PDLIM3: variants seen among roughly 807,000 people sequenced by gnomAD.
PDLIM3 encodes the protein PDZ and LIM domain 3.
PDLIM3 carries 36 observed loss-of-function variants against 37.3 expected under a neutral mutation model. The observed-to-expected ratio is 0.97, with a 90% confidence interval of 0.74 to 1.28. The LOEUF is 1.28. Among genes scored for constraint, PDLIM3 ranks in the 50% most tolerant of loss-of-function variants. PDLIM3 has a pLI of 0.00. For synonymous variants in PDLIM3, 174 were observed against 182.4 expected, an observed-to-expected ratio of 0.95 and a Z score of 0.37; for missense variants, 454 against 485.0, an observed-to-expected ratio of 0.94 and a Z score of 0.60.
chr4:185,509,562 C>T (rs2095703398), intron 4 of PDLIM3, among the ~76,000 whole-genome samples: 1 of 152,034 alleles, frequency 6.6e-6, no homozygotes, highest in Non-Finnish European at 1.5e-5. Context: ...ACTAAAAAGT[C>T]CATTTTTCCA....
Position 185,514,211 on chromosome 4 carries a change from T to C in PDLIM3, c.398+59A>G. On this transcript the variant is annotated intron_variant, in intron 4 of 7. Coordinates refer to ENST00000284767, the MANE Select transcript of PDLIM3 (RefSeq NM_014476.6). This position sits in a 1 kb window ranked among gnomAD's most constrained non-coding sequence, Gnocchi z 4.0. ...TCTACCAGTTACTTTTCTTGATGATTAGTAAGAACTGATTTAAGAAGCATG... is the reference window on the plus strand; with the variant it reads ...TCTACCAGTTACTTTTCTTGATGATCAGTAAGAACTGATTTAAGAAGCATG... The C allele has an allele frequency of 6.2e-7, 1 of 1,614,084 alleles. No homozygotes were observed. Among genetic ancestry groups the C allele is most frequent in the African/African-American group, 1.3e-5 (1 of 75,056 alleles).
chr4:185,514,164 A>G lies in PDLIM3; in HGVS notation c.398+106T>C. 6.2e-7 allele frequency: 1 copy of G among 1,603,464 alleles called. No homozygotes were observed. Among genetic ancestry groups the G allele is most frequent in the Non-Finnish European group, 8.5e-7 (1 of 1,174,080 alleles). ...TTTTGCTTTTGAAATAAGCTTCGCAATGAGAAAAGCCACTCCAAACATCTA... is the reference window on the plus strand; with the variant it reads ...TTTTGCTTTTGAAATAAGCTTCGCAGTGAGAAAAGCCACTCCAAACATCTA... On this transcript the variant is annotated intron_variant, in intron 4 of 7. Coordinates refer to ENST00000284767, the MANE Select transcript of PDLIM3 (RefSeq NM_014476.6). The surrounding 1 kb of genome is among the most constrained non-coding windows in gnomAD (Gnocchi z 4.0).
At position 185,501,506 on chromosome 4, in the gene PDLIM3, AAG is replaced by A. The variant is rs1440108509; in HGVS notation, c.*786_*787del. On this transcript the variant is annotated 3_prime_UTR_variant, in exon 8 of 8. Transcript: ENST00000284767. ...GATCTGAAAGAGATATTTAAATTGAAAGAGTCTCTGTTGAAGCAAGTGAAACT... is the reference window on the plus strand; with the variant it reads ...GATCTGAAAGAGATATTTAAATTGAAAGTCTCTGTTGAAGCAAGTGAAACT... The A allele has an allele frequency of 3.9e-5, 6 of 152,362 alleles. No individual in the cohort carries two copies. In the East Asian group the frequency reaches 1.2e-3, roughly 29 times the overall value. 9.4% of individuals were successfully genotyped at this position (152,362 alleles called of 1,614,324 possible).
intron 1 of PDLIM3, among the ~76,000 whole-genome samples, chr4:185,528,302 G>A (rs2095737730): frequency 6.6e-6 from 1 of 152,156 alleles, no homozygotes; most frequent in Admixed American, 6.5e-5. Context: ...ACACACATCT[G>A]AACAATAGCT....
At chr4:185,524,552 C>T (rs1181387561) in intron 2 of PDLIM3, among the ~76,000 whole-genome samples, 2 of 152,192 alleles carry the variant, frequency 1.3e-5, no homozygotes, top group East Asian at 3.8e-4. Context: ...TTCTTCTGGG[C>T]TGAATTCTGT....
intron 2 of PDLIM3, among the ~76,000 whole-genome samples, chr4:185,524,136 T>A (rs1042289253): frequency 4.6e-5 from 7 of 152,028 alleles, no homozygotes; most frequent in African/African-American, 1.7e-4. Context: ...AGACAGTGAG[T>A]GATCTGCCAG....
intron 1 of PDLIM3, among the ~76,000 whole-genome samples, chr4:185,530,102 A>G (rs780427228): frequency 1.3e-5 from 2 of 152,230 alleles, no homozygotes; most frequent in Non-Finnish European, 2.9e-5. Flanking sequence ...TGTCTTTCAC[A>G]TACGAGACAT....
Position 185,514,458 on chromosome 4 carries a change from A to G in PDLIM3, c.331-121T>C. On this transcript the variant is annotated intron_variant, in intron 3 of 7. Coordinates refer to ENST00000284767, the MANE Select transcript of PDLIM3 (RefSeq NM_014476.6). The surrounding 1 kb of genome is among the most constrained non-coding windows in gnomAD (Gnocchi z 4.0). Reference sequence around the variant, plus strand: ...ACCACCAACTACTGTCATAACTAAGAAAGGCGATGACGGGACCAGGACGAT... The same window carrying G: ...ACCACCAACTACTGTCATAACTAAGGAAGGCGATGACGGGACCAGGACGAT... The G allele has an allele frequency of 1.3e-6, 2 of 1,583,006 alleles. No individual in the cohort carries two copies. The highest frequency in any genetic ancestry group is 1.1e-5 in the South Asian group (1 of 88,736).
chr4:185,535,284 C>T, intron 1 of PDLIM3, 58 bp downstream of exon 1: 5 of 1,459,642 alleles, frequency 3.4e-6, no homozygotes, highest in Non-Finnish European at 3.8e-6. Context: ...CCACTGCGTC[C>T]CCCCGGACGC....
Position 185,510,080 on chromosome 4 carries a change from T to C in PDLIM3, c.399-1518A>G, listed in dbSNP as rs148428260. 4.0e-3 allele frequency among the ~76,000 whole-genome samples: 612 copies of C among 152,330 alleles called. 3 individuals carry two copies. The highest frequency in any genetic ancestry group is 0.014 in the African/African-American group (580 of 41,578). On this transcript the variant is annotated intron_variant, in intron 4 of 7. Coordinates refer to ENST00000284767, the MANE Select transcript of PDLIM3 (RefSeq NM_014476.6). ...ACATACCAAAATATCAAGTGGCCTA[T>C]TCACCATTTTTGTACGATCTATAGT...
chr4:185,512,770 G>GTA (rs2095708618), intron 4 of PDLIM3: 3 of 977,924 alleles, frequency 3.1e-6, no homozygotes, highest in Non-Finnish European at 3.6e-6. Flanking sequence ...TTGGGAAGTT[G>GTA]TATATATTCA....
Position 185,513,530 on chromosome 4 carries a change from T to TTA in PDLIM3, c.398+739_398+740insTA, listed in dbSNP as rs113679669. ...GGCACTTAAATTCTTTTTTTTTTTTTAAACAAAAGAATTAAATAAAACATG... is the reference window on the plus strand; with the variant it reads ...GGCACTTAAATTCTTTTTTTTTTTTTTAAAACAAAAGAATTAAATAAAACATG... On this transcript the variant is annotated intron_variant, in intron 4 of 7. Coordinates refer to ENST00000284767, the MANE Select transcript of PDLIM3 (RefSeq NM_014476.6). 5,397 of 971,810 alleles carry TTA rather than the reference T, an allele frequency of 5.6e-3. 177 individuals are homozygous for TTA. The African/African-American group carries it at 0.087, about 16-fold the overall frequency. The allele number at this position is 971,810 out of a possible 1,614,324, so 60.2% of individuals were successfully genotyped here.
At chr4:185,512,608 A>G (rs1247167678) in intron 4 of PDLIM3, 2 of 940,752 alleles carry the variant, frequency 2.1e-6, no homozygotes, top group African/African-American at 3.6e-5. Context: ...CTTTTTATAA[A>G]ATTAAATGTT....
intron 4 of PDLIM3, chr4:185,513,183 A>G (rs539772781): frequency 2.5e-5 from 25 of 985,336 alleles, no homozygotes; most frequent in South Asian, 9.4e-5. Context: ...AGGGGGGGGA[A>G]GATGTGTTTG....
chr4:185,523,770 C>A (rs922634036), intron 2 of PDLIM3, among the ~76,000 whole-genome samples: 2 of 151,782 alleles, frequency 1.3e-5, no homozygotes, highest in Non-Finnish European at 2.9e-5. Flanking sequence ...AGGTGCCCAC[C>A]ACCATGCCTG....
intron 1 of PDLIM3, among the ~76,000 whole-genome samples, chr4:185,526,273 G>T (rs1021997711): frequency 6.6e-6 from 1 of 152,182 alleles, no homozygotes; most frequent in African/African-American, 2.4e-5. Flanking sequence ...ATTCACTCAT[G>T]GTCTCTTCTC....
At chr4:185,525,974 A>C (rs4862544) in intron 1 of PDLIM3, among the ~76,000 whole-genome samples, 115,455 of 152,130 alleles carry the variant, frequency 0.76, 45,597 homozygotes, top group Non-Finnish European at 0.87. Context: ...GTAGAGACTA[A>C]CAAGAAGAGG....
rs191226214 is a variant in PDLIM3, at chr4:185,524,765, C to T, written c.245+255G>A. On this transcript the variant is annotated intron_variant, in intron 2 of 7. Transcript: ENST00000284767. ...AGTTCTATTTTCATAGTTAATTAAC[C>T]GGGTTATTACTGGAACAAATTCTTT... is the stretch of plus-strand genomic sequence containing the variant. Among the ~76,000 whole-genome samples the T allele has an allele frequency of 1.7e-3, 264 of 152,200 alleles. 2 individuals carry two copies. The highest frequency in any genetic ancestry group is 3.2e-4 in the Non-Finnish European group (22 of 68,022).
intron 5 of PDLIM3, among the ~76,000 whole-genome samples, 199 bp downstream of exon 5, chr4:185,508,100 A>G (rs1349644841): frequency 6.6e-6 from 1 of 152,212 alleles, no homozygotes; most frequent in African/African-American, 2.4e-5. Flanking sequence ...GATATTTGCA[A>G]TAAATCCTTA....
Sources: gnomAD v4.1 joint callset for allele counts (sites outside exome capture counted in the v4.1 genomes callset) on GRCh38, gnomAD v4.1.1 for gene constraint, Gnocchi (gnomAD v3.1) non-coding constraint, MANE v1.5 for transcripts, NCBI Gene and HGNC (gene_info 2026-07-23, HGNC 2026-07-21) for gene names.